Variants in PALLD observed in about 807,000 individuals in gnomAD.
The protein encoded by PALLD is palladin.
PALLD carries 61 observed loss-of-function variants against 123.5 expected under a neutral mutation model. That is an observed-to-expected ratio of 0.49 (90% CI 0.40 to 0.61). The LOEUF (loss-of-function observed/expected upper bound fraction) is 0.61, where lower values mean the gene tolerates loss of function less well. PALLD is among the 20% of genes least tolerant of loss of function. The pLI is 0.00. For missense variants in PALLD, 1,273 were observed against 1,377.0 expected (o/e 0.92, Z 1.20); for synonymous variants, 465 against 496.4 (o/e 0.94, Z 0.84).
rs1027467560 is a variant in PALLD at position 168,924,909 on chromosome 4, A to T, written c.3225-36A>T. ...TTCATGTCCAAAGCCACTTTTAAAA[A>T]ATTTAGAACCCTAATGACTTTATCC... On this transcript the variant is annotated intron_variant, in intron 19 of 21. Coordinates refer to ENST00000505667, the MANE Select transcript of PALLD (RefSeq NM_001166108.2). 2.5e-6 allele frequency: 4 copies of T among 1,613,622 alleles called. No homozygotes were observed. The South Asian group carries it at 4.4e-5, about 18-fold the overall frequency.
rs1380885848 is a variant in PALLD, at chr4:168,876,347, AC to A, written c.1965-14574del. ...TACCCAAACCACACAGACATCTGGA[AC>A]TTCAGGGCAGTGGTGAATCCCAGCA... On this transcript the variant is annotated intron_variant, in intron 10 of 21. Coordinates refer to ENST00000505667, the MANE Select transcript of PALLD (RefSeq NM_001166108.2). Among the ~76,000 whole-genome samples, 6 of 152,328 alleles carry A rather than the reference AC, an allele frequency of 3.9e-5. No homozygotes were observed. The East Asian group carries it at 1.2e-3, about 29-fold the overall frequency.
At chr4:168,883,031 A>G (rs1752831377) in intron 10 of PALLD, among the ~76,000 whole-genome samples, 1 of 151,334 alleles carries the variant, frequency 6.6e-6, no homozygotes, top group Non-Finnish European at 1.5e-5. Flanking sequence ...GTGAGGTTGC[A>G]GTGAGCTGAG....
At chr4:168,738,413 T>A (rs998868035) in intron 10 of PALLD, among the ~76,000 whole-genome samples, 2 of 152,024 alleles carry the variant, frequency 1.3e-5, no homozygotes, top group Admixed American at 6.6e-5. Flanking sequence ...TTAATATGTG[T>A]TCTATCTACT....
intron 10 of PALLD, among the ~76,000 whole-genome samples, chr4:168,815,977 GA>G (rs1173086234): frequency 6.6e-6 from 1 of 152,202 alleles, no homozygotes; most frequent in Admixed American, 6.5e-5. Context: ...TTAAAACCTT[GA>G]AAACTGCTTT....
intron 2 of PALLD, among the ~76,000 whole-genome samples, chr4:168,634,798 G>C (rs974356995): frequency 6.6e-6 from 1 of 152,132 alleles, no homozygotes; most frequent in Non-Finnish European, 1.5e-5. Context: ...AGACCACATG[G>C]CTCCAACTTG....
intron 2 of PALLD, among the ~76,000 whole-genome samples, chr4:168,534,528 T>C (rs1377323632): frequency 3.3e-5 from 5 of 152,250 alleles, no homozygotes; most frequent in Non-Finnish European, 7.3e-5. Context: ...AGAAGATTGA[T>C]ACTTTTCTAA....
At chr4:168,898,332 T>G in intron 13 of PALLD, 161 bp from the exon 14 acceptor site, 2 of 662,362 alleles carry the variant, frequency 3.0e-6, no homozygotes, top group Non-Finnish European at 5.5e-6. Flanking sequence ...CACTTCCAGA[T>G]GTTTTTTGTT....
chr4:168,512,493 T>C (rs775507548), intron 2 of PALLD, 81 bp downstream of exon 2: 82 of 1,297,170 alleles, frequency 6.3e-5, no homozygotes, highest in Non-Finnish European at 8.0e-5. Context: ...AAAGATTTCC[T>C]GTGTCATTAG....
chr4:168,778,882 A>G (rs1735523152), intron 10 of PALLD, among the ~76,000 whole-genome samples: 1 of 152,158 alleles, frequency 6.6e-6, no homozygotes. Context: ...GCTGGTCTCA[A>G]ACTCCTGGCC....
chr4:168,620,826 A>G (rs762727966), intron 2 of PALLD, among the ~76,000 whole-genome samples: 21 of 152,214 alleles, frequency 1.4e-4, no homozygotes, highest in Non-Finnish European at 3.1e-4. Flanking sequence ...CACACAGTAT[A>G]TGCAAAAAGT....
At chr4:168,555,715 T>G (rs1390164662) in intron 2 of PALLD, among the ~76,000 whole-genome samples, 1 of 152,240 alleles carries the variant, frequency 6.6e-6, no homozygotes, top group Non-Finnish European at 1.5e-5. Flanking sequence ...TTGCCAAGCA[T>G]AACACATTTA....
intron 8 of PALLD, among the ~76,000 whole-genome samples, chr4:168,696,294 C>G (rs1260647118): frequency 6.6e-6 from 1 of 152,098 alleles, no homozygotes; most frequent in Non-Finnish European, 1.5e-5. Context: ...GGCCTATGAA[C>G]TTTACCTCTC....
Position 168,669,800 on chromosome 4 carries a change from G to GCACACACA in PALLD, c.1087+1449_1087+1456dup, listed in dbSNP as rs10637670. Among the ~76,000 whole-genome samples the GCACACACA allele has an allele frequency of 5.2e-3, 776 of 148,020 alleles. 6 individuals carry two copies. The highest frequency in any genetic ancestry group is 0.017 in the African/African-American group (692 of 40,352). On this transcript the variant is annotated intron_variant, in intron 3 of 21. Transcript: ENST00000505667. ...AATACTTACATGACACTTACAAAAT[G>GCACACACA]CACACACACACACACACACACACAA...
chr4:168,650,170 A>G (rs1251983502), intron 2 of PALLD, among the ~76,000 whole-genome samples: 1 of 152,234 alleles, frequency 6.6e-6, no homozygotes, highest in Non-Finnish European at 1.5e-5. Context: ...GTGAGACTCC[A>G]TCTGAAAGAA....
chr4:168,896,993 G>C (rs1430022385), intron 13 of PALLD, among the ~76,000 whole-genome samples: 3 of 152,010 alleles, frequency 2.0e-5, no homozygotes. Context: ...CAACATGCCT[G>C]GCTAATTTTG....
chr4:168,779,838 T>G (rs1314021073), intron 10 of PALLD, among the ~76,000 whole-genome samples: 2 of 152,152 alleles, frequency 1.3e-5, no homozygotes, highest in African/African-American at 4.8e-5. Flanking sequence ...AAATTCTTTC[T>G]ACTGTTCTTT....
In PALLD at chr4:168,869,458, A is replaced by C. The variant is rs1056682733; in HGVS notation, c.1965-21464A>C. 2.6e-5 allele frequency among the ~76,000 whole-genome samples: 4 copies of C among 152,128 alleles called. No individual in the cohort carries two copies. The highest frequency in any genetic ancestry group is 4.8e-5 in the African/African-American group (2 of 41,436). On this transcript the variant is annotated intron_variant, in intron 10 of 21. Coordinates refer to ENST00000505667, the MANE Select transcript of PALLD (RefSeq NM_001166108.2). The surrounding 1 kb of genome is among the most constrained non-coding windows in gnomAD (Gnocchi z 4.5). ...AAGAAATGGGCATTGAAATGGGCAC[A>C]GAAGGATGAAGACAGTGGATGGAGA... is the stretch of plus-strand genomic sequence containing the variant.
intron 2 of PALLD, among the ~76,000 whole-genome samples, chr4:168,613,372 G>A (rs540356927): frequency 1.6e-4 from 25 of 152,250 alleles, no homozygotes; most frequent in African/African-American, 4.6e-4. Flanking sequence ...CAGCCATACC[G>A]CATCAAAGAG....
chr4:168,741,716 G>C (rs1235315829), intron 10 of PALLD, among the ~76,000 whole-genome samples: 2 of 151,220 alleles, frequency 1.3e-5, no homozygotes, highest in African/African-American at 2.4e-5. Context: ...AGAATGGTTG[G>C]AGAGAGAGAG....
Sources: allele counts gnomAD v4.1 joint callset (sites outside exome capture counted in the v4.1 genomes callset), GRCh38; gene constraint gnomAD v4.1.1; non-coding constraint Gnocchi (gnomAD v3.1); transcripts MANE v1.5; gene names NCBI Gene and HGNC (gene_info 2026-07-23, HGNC 2026-07-21).